WDR72: variants seen among roughly 807,000 people sequenced by gnomAD.
WDR72 encodes the protein WD repeat domain 72, also known as WD repeat-containing protein 72.
Under a neutral mutation model 124.2 loss-of-function variants are expected in WDR72, and 120 were observed. That is an observed-to-expected ratio of 0.97 (90% CI 0.83 to 1.12). The LOEUF (loss-of-function observed/expected upper bound fraction) is 1.12. Ranked by LOEUF, WDR72 falls within the 50% of genes most tolerant of loss-of-function variation. The pLI is 0.00. For missense variants in WDR72, 1,387 were observed against 1,278.8 expected (o/e 1.08, Z -1.29); for synonymous variants, 452 against 441.7 (o/e 1.02, Z -0.29).
intron 13 of WDR72, among the ~76,000 whole-genome samples, chr15:53,697,796 A>G (rs1008030089): frequency 2.0e-5 from 3 of 152,152 alleles, no homozygotes; most frequent in Non-Finnish European, 4.4e-5. Flanking sequence ...TCAAAATATT[A>G]ATAGCACTTA....
chr15:53,556,631 A>T (rs1004356077), intron 18 of WDR72, among the ~76,000 whole-genome samples: 1 of 152,142 alleles, frequency 6.6e-6, no homozygotes, highest in Non-Finnish European at 1.5e-5. Flanking sequence ...TCAAAGAATA[A>T]ATATAATTGC....
intron 1 of WDR72, among the ~76,000 whole-genome samples, chr15:53,734,192 G>A (rs1042526301): frequency 6.6e-6 from 1 of 152,050 alleles, no homozygotes; most frequent in Admixed American, 6.6e-5. Context: ...ACATGGGTGT[G>A]CACTGACACT....
chr15:53,524,913 A>G (rs1052228841), intron 18 of WDR72, among the ~76,000 whole-genome samples: 2 of 152,096 alleles, frequency 1.3e-5, no homozygotes, highest in Admixed American at 1.3e-4. Context: ...CACATGAATG[A>G]TGCAGAGGTA....
In WDR72 at chr15:53,699,860, T is replaced by A. The variant is rs758822572; in HGVS notation, c.1655A>T (p.His552Leu). ...LHLEGKSCLL[H>L]ARKHLFPVRM... ...CACAGGAAAAAGGTGCTTCCGGGCA[T>A]GCAGGAGGCAACTCTTTCCCTCAAG... is the stretch of plus-strand genomic sequence containing the variant. The change falls in exon 13 of 20, where the codon CAT (histidine) becomes CTT (leucine). Residue 552 changes from histidine (H) to leucine (L), a missense_variant. Transcript: ENST00000360509. The A allele has an allele frequency of 5.6e-6, 9 of 1,614,056 alleles. No individual in the cohort carries two copies. The highest frequency in any genetic ancestry group is 6.8e-6 in the Non-Finnish European group (8 of 1,180,028).
chr15:53,597,032 G>A, intron 18 of WDR72, 47 bp downstream of exon 18: 1 of 1,581,302 alleles, frequency 6.3e-7, no homozygotes, highest in South Asian at 1.1e-5. Context: ...ACTATCTATA[G>A]TAGAAAAGTT....
chr15:53,672,431 T>G (rs1459597623), intron 13 of WDR72, among the ~76,000 whole-genome samples: 2 of 151,980 alleles, frequency 1.3e-5, no homozygotes, highest in Non-Finnish European at 2.9e-5. Flanking sequence ...CTGCTGTAAA[T>G]CAGTATGTTG....
chr15:53,710,259 G>A (rs1176798221), intron 9 of WDR72, among the ~76,000 whole-genome samples: 4 of 152,158 alleles, frequency 2.6e-5, no homozygotes, highest in Non-Finnish European at 1.5e-5. Context: ...AAAAATTGGA[G>A]TAGATACGTA....
chr15:53,722,784 T>A lies in WDR72; in HGVS notation c.260+18A>T, dbSNP rs1287675791. ...GAAGGAAATGGAGAAGGGGACAAAGTTTACATACCATACCTACCCATTTTC... is the reference window on the plus strand; with the variant it reads ...GAAGGAAATGGAGAAGGGGACAAAGATTACATACCATACCTACCCATTTTC... On this transcript the variant is annotated intron_variant, in intron 3 of 19. Transcript: ENST00000360509. 1.2e-6 allele frequency: 2 copies of A among 1,608,974 alleles called. No individual in the cohort carries two copies. The highest frequency in any genetic ancestry group is 2.2e-5 in the South Asian group (2 of 90,968).
At chr15:53,726,440 G>A (rs1285559235) in intron 2 of WDR72, among the ~76,000 whole-genome samples, 1 of 151,662 alleles carries the variant, frequency 6.6e-6, no homozygotes, top group Admixed American at 6.6e-5. Context: ...TTCAAAAATA[G>A]TCTATTGAAA....
At chr15:53,663,473 A>C (rs907998362) in intron 14 of WDR72, among the ~76,000 whole-genome samples, 4 of 152,204 alleles carry the variant, frequency 2.6e-5, no homozygotes, top group Admixed American at 2.6e-4. Context: ...AAACAAAATT[A>C]TATAAAGAAA....
rs2017339345 is a variant in WDR72, at chr15:53,705,933, G to A, written c.1096C>T (p.Pro366Ser). 2 of 1,613,990 alleles carry A rather than the reference G, an allele frequency of 1.2e-6. No homozygotes were observed. Among genetic ancestry groups the A allele is most frequent in the African/African-American group, 2.7e-5 (2 of 75,018 alleles). Residue 366 changes from proline (P) to serine (S), a missense_variant, in exon 10 of 20, where the codon CCT becomes TCT. Physicochemically the swap from Pro to Ser is moderately conservative, Grantham distance 74. Transcript: ENST00000360509. ...GAAAAGGAAACTGACTTACCTCTAGGAGAACCATCAAACTTGGATACAGGA... is the reference window on the plus strand; with the variant it reads ...GAAAAGGAAACTGACTTACCTCTAGAAGAACCATCAAACTTGGATACAGGA... ...DVPVSKFDGSPREIPVTATWT... is the reference protein window; with the variant it reads ...DVPVSKFDGSSREIPVTATWT...
At chr15:53,719,960 A>T (rs1475200471) in intron 3 of WDR72, among the ~76,000 whole-genome samples, 1 of 152,126 alleles carries the variant, frequency 6.6e-6, no homozygotes, top group East Asian at 1.9e-4. Context: ...TTTTGCCTTA[A>T]AATTTTATTA....
In WDR72 at chr15:53,751,435, T is replaced by G. The variant is rs1231247040; in HGVS notation, c.-13+8198A>C. On this transcript the variant is annotated intron_variant, in intron 1 of 19. Coordinates refer to ENST00000360509, the MANE Select transcript of WDR72 (RefSeq NM_182758.4). ...ACTTGCAGAAGGCTCAGATGATCATTTGCACTTTTTAGCAATAAAGTACTT... is the reference window on the plus strand; with the variant it reads ...ACTTGCAGAAGGCTCAGATGATCATGTGCACTTTTTAGCAATAAAGTACTT... 2.0e-5 allele frequency among the ~76,000 whole-genome samples: 3 copies of G among 152,186 alleles called. No individual in the cohort carries two copies. In the East Asian group the frequency reaches 5.8e-4, roughly 29 times the overall value.
chr15:53,649,842 G>A (rs1200895335), intron 14 of WDR72, among the ~76,000 whole-genome samples: 2 of 152,100 alleles, frequency 1.3e-5, no homozygotes, highest in Non-Finnish European at 2.9e-5. Flanking sequence ...AGCACACTGT[G>A]GGTAGAAATG....
intron 17 of WDR72, among the ~76,000 whole-genome samples, chr15:53,604,393 A>T (rs1414721221): frequency 6.6e-6 from 1 of 152,184 alleles, no homozygotes; most frequent in Admixed American, 6.6e-5. Context: ...AGATAACCTA[A>T]GCAATACCAT....
At chr15:53,528,985 T>C (rs541376717) in intron 18 of WDR72, among the ~76,000 whole-genome samples, 1 of 151,840 alleles carries the variant, frequency 6.6e-6, no homozygotes, top group African/African-American at 2.4e-5. Context: ...TCACTTGCAG[T>C]TTTAAGGGAA....
At position 53,685,784 on chromosome 15, in the gene WDR72, G is replaced by GA. The variant is rs993741625; in HGVS notation, c.1765+13965dup. Among the ~76,000 whole-genome samples, 58 of 148,966 alleles carry GA rather than the reference G, an allele frequency of 3.9e-4. 3 individuals carry two copies. The highest frequency in any genetic ancestry group is 1.5e-3 in the African/African-American group (58 of 39,832). On this transcript the variant is annotated intron_variant, in intron 13 of 19. Transcript: ENST00000360509. ...TCAGATTCACCAAAGTTGAAATGAGGAAAAAATGTTAAGGGCAGCCAGAGA... is the reference window on the plus strand; with the variant it reads ...TCAGATTCACCAAAGTTGAAATGAGGAAAAAAATGTTAAGGGCAGCCAGAGA...
chr15:53,721,799 T>G (rs938460662), intron 3 of WDR72, among the ~76,000 whole-genome samples: 7 of 152,138 alleles, frequency 4.6e-5, no homozygotes, highest in African/African-American at 1.7e-4. Context: ...CATATTGAAT[T>G]GATATGACAT....
intron 13 of WDR72, among the ~76,000 whole-genome samples, chr15:53,682,820 C>G (rs994559124): frequency 2.6e-5 from 4 of 152,130 alleles, no homozygotes; most frequent in Non-Finnish European, 5.9e-5. Flanking sequence ...TTCAGGTTAT[C>G]TTTATAGCAG....
Sources: gnomAD v4.1 joint callset for allele counts (sites outside exome capture counted in the v4.1 genomes callset) on GRCh38, gnomAD v4.1.1 for gene constraint, MANE v1.5 for transcripts, NCBI Gene and HGNC (gene_info 2026-07-23, HGNC 2026-07-21) for gene names.